SLC25A15: variants seen among roughly 807,000 people sequenced by gnomAD.
SLC25A15 encodes solute carrier family 25 member 15.
Under a neutral mutation model 32.3 loss-of-function variants are expected in SLC25A15, and 24 were observed. The observed-to-expected ratio is 0.74, with a 90% CI of 0.54 to 1.04. The LOEUF is 1.04. Among genes scored for constraint, SLC25A15 ranks in the 50% least tolerant of loss-of-function variants. SLC25A15 has a pLI of 0.00. For missense variants in SLC25A15, 317 were observed against 374.5 expected (o/e 0.85, Z 1.27); for synonymous variants, 132 against 142.1 (o/e 0.93, Z 0.51).
At position 40,789,617 on chromosome 13, in the gene SLC25A15, G is replaced by C. The variant is rs1438996334; in HGVS notation, c.-116G>C. ...GCCCCAGCCGGCGACCCGGAGCCGA[G>C]AGCGGGCGGCGGAGCCTGAGCTGGA... On this transcript the variant is annotated 5_prime_UTR_variant, in exon 1 of 7. Coordinates refer to ENST00000338625, the MANE Select transcript of SLC25A15 (RefSeq NM_014252.4). 1.3e-5 allele frequency: 2 copies of C among 151,012 alleles called. No individual in the cohort carries two copies. Among genetic ancestry groups the C allele is most frequent in the Middle Eastern group, 6.8e-3 (2 of 292 alleles). 9.4% of individuals were successfully genotyped at this position (151,012 alleles called of 1,614,324 possible). A position where few individuals can be genotyped will look rare whatever the true frequency, so the allele number is the denominator to read the frequency against.
chr13:40,789,696 C>G (rs1303171237), intron 1 of SLC25A15, 33 bp downstream of exon 1: 1 of 151,594 alleles, frequency 6.6e-6, no homozygotes, highest in Admixed American at 6.6e-5. Flanking sequence ...CCTGCAGCTG[C>G]GGGGAGCGCG....
chr13:40,804,702 C>G (rs559307211), intron 3 of SLC25A15, among the ~76,000 whole-genome samples: 1 of 146,790 alleles, frequency 6.8e-6, no homozygotes, highest in Non-Finnish European at 1.5e-5. Context: ...CCACTACGCC[C>G]GGCTAATTTT....
intron 2 of SLC25A15, among the ~76,000 whole-genome samples, chr13:40,794,678 A>G (rs568636284): frequency 4.6e-5 from 7 of 152,280 alleles, no homozygotes; most frequent in African/African-American, 1.4e-4. Flanking sequence ...GATTGCCCAA[A>G]GGAAAACCCT....
chr13:40,793,093 G>T (rs1259781635), intron 1 of SLC25A15, 65 bp from the exon 2 acceptor site: 4 of 861,074 alleles, frequency 4.6e-6, no homozygotes, highest in African/African-American at 1.7e-5. Context: ...CTGTAATTTG[G>T]CTGCAGGCCT....
intron 3 of SLC25A15, among the ~76,000 whole-genome samples, chr13:40,804,102 T>C (rs1169487000): frequency 6.6e-6 from 1 of 152,198 alleles, no homozygotes; most frequent in Non-Finnish European, 1.5e-5. Flanking sequence ...AAGTCTAATA[T>C]CAAGGTTCCA....
chr13:40,805,353 C>A, intron 4 of SLC25A15, 98 bp downstream of exon 4: 1 of 1,342,764 alleles, frequency 7.4e-7, no homozygotes, highest in Non-Finnish European at 1.0e-6. Context: ...ATGTGGAAGC[C>A]AATTTATCTA....
chr13:40,790,466 T>G (rs1593287248), intron 1 of SLC25A15, among the ~76,000 whole-genome samples: 1 of 152,240 alleles, frequency 6.6e-6, no homozygotes, highest in African/African-American at 2.4e-5. Context: ...AAGCCCTGTG[T>G]CTTCTCCAAG....
intron 6 of SLC25A15, among the ~76,000 whole-genome samples, chr13:40,809,264 C>T (rs1882340996): frequency 6.6e-6 from 1 of 152,234 alleles, no homozygotes; most frequent in African/African-American, 2.4e-5. Context: ...CTGGCCATCT[C>T]AGGCCTCAGC....
chr13:40,809,182 G>C (rs191625701), intron 6 of SLC25A15, among the ~76,000 whole-genome samples: 22 of 152,228 alleles, frequency 1.4e-4, no homozygotes, highest in Middle Eastern at 3.4e-3. Context: ...CAACTTCAAG[G>C]TTGGTGTTCC....
At chr13:40,806,923 G>A (rs1376636674) in intron 4 of SLC25A15, among the ~76,000 whole-genome samples, 1 of 152,178 alleles carries the variant, frequency 6.6e-6, no homozygotes, top group Non-Finnish European at 1.5e-5. Context: ...CTTGTTCTCA[G>A]AATTTGTCTT....
At chr13:40,793,051 A>T (rs1373145227) in intron 1 of SLC25A15, 107 bp from the exon 2 acceptor site, 2 of 687,450 alleles carry the variant, frequency 2.9e-6, no homozygotes, top group Admixed American at 4.1e-5. Flanking sequence ...AACAGTGTGG[A>T]CCCCAGGTCA....
rs138530613 is a variant in SLC25A15 at position 40,812,297 on chromosome 13, C to T, written c.*2630C>T. 1.3e-3 allele frequency among the ~76,000 whole-genome samples: 205 copies of T among 152,212 alleles called. 1 individual carries two copies. The highest frequency in any genetic ancestry group is 6.9e-4 in the Non-Finnish European group (47 of 68,024). ...GTCTGAGGCAAGTGGAAATGAGGAA[C>T]GGAAACTTAGGTTGGGAGAATATTT... On this transcript the variant is annotated 3_prime_UTR_variant, in exon 7 of 7. Transcript: ENST00000338625.
At position 40,810,262 on chromosome 13, in the gene SLC25A15, G is replaced by A. The variant is rs1304610299; in HGVS notation, c.*595G>A. On this transcript the variant is annotated 3_prime_UTR_variant, in exon 7 of 7. Coordinates refer to ENST00000338625, the MANE Select transcript of SLC25A15 (RefSeq NM_014252.4). ...CAACCTCCGCCTCCTGGGTTCAAGC[G>A]ATTCTCTCACCTCAGCCTCCTGAGT... 2.6e-5 allele frequency among the ~76,000 whole-genome samples: 4 copies of A among 152,294 alleles called. No individual in the cohort carries two copies. The highest frequency in any genetic ancestry group is 7.2e-5 in the African/African-American group (3 of 41,558).
Position 40,809,860 on chromosome 13 carries a change from T to C in SLC25A15, c.*193T>C, listed in dbSNP as rs1882373547. ...TGCATCATATCATTTCTGTCCATAA[T>C]TGTACTGAAATAGAAAAGTGACCGC... is the stretch of plus-strand genomic sequence containing the variant. On this transcript the variant is annotated 3_prime_UTR_variant, in exon 7 of 7. Transcript: ENST00000338625. 1.6e-6 allele frequency: 1 copy of C among 613,276 alleles called. No individual in the cohort carries two copies. Among genetic ancestry groups the C allele is most frequent in the Non-Finnish European group, 2.9e-6 (1 of 349,516 alleles). The allele number at this position is 613,276 out of a possible 1,614,324, so 38.0% of individuals were successfully genotyped here.
chr13:40,803,514 GATTCCAGT>G (rs1881984974), intron 3 of SLC25A15, among the ~76,000 whole-genome samples: 1 of 152,184 alleles, frequency 6.6e-6, no homozygotes, highest in African/African-American at 2.4e-5. Context: ...ACTCTTACTG[GATTCCAGT>G]TTCACAACCC....
intron 4 of SLC25A15, 29 bp from the exon 5 acceptor site, chr13:40,807,265 C>A (rs770194398): frequency 1.9e-6 from 3 of 1,611,460 alleles, no homozygotes; most frequent in Non-Finnish European, 2.5e-6. Flanking sequence ...CCTGCTGTAA[C>A]CGTGCTATCT....
chr13:40,802,911 A>G (rs1881955435), intron 3 of SLC25A15, among the ~76,000 whole-genome samples: 1 of 152,040 alleles, frequency 6.6e-6, no homozygotes, highest in Admixed American at 6.6e-5. Flanking sequence ...AAAAATTGTT[A>G]GGGGATTATA....
At chr13:40,809,396 A>C (rs934243847) in intron 6 of SLC25A15, 147 bp from the exon 7 acceptor site, 3 of 992,140 alleles carry the variant, frequency 3.0e-6, no homozygotes, top group Non-Finnish European at 4.8e-6. Context: ...TATTTAGGAA[A>C]AGCTGGGAAT....
rs776411120 is a variant in SLC25A15 at position 40,799,089 on chromosome 13, T to C, written c.88T>C (p.Phe30Leu). Residue 30 changes from phenylalanine (F) to leucine (L), a missense_variant, in exon 3 of 7, where the codon TTT becomes CTT. Physicochemically the swap from Phe to Leu is conservative, Grantham distance 22 (BLOSUM62 0). Coordinates refer to ENST00000338625, the MANE Select transcript of SLC25A15 (RefSeq NM_014252.4). ...AGCATGTGTACTGACCGGGCAGCCC[T>C]TTGACACAATGAAAGTGAAGATGCA... is the stretch of plus-strand genomic sequence containing the variant. ...GTACVLTGQP[F>L]DTMKVKMQTF... 5 of 1,614,168 alleles carry C rather than the reference T, an allele frequency of 3.1e-6. No individual in the cohort carries two copies. Among genetic ancestry groups the C allele is most frequent in the Non-Finnish European group, 4.2e-6 (5 of 1,180,032 alleles).
Sources: gnomAD v4.1 joint callset for allele counts (sites outside exome capture counted in the v4.1 genomes callset) on GRCh38, gnomAD v4.1.1 for gene constraint, MANE v1.5 for transcripts, NCBI Gene and HGNC (gene_info 2026-07-23, HGNC 2026-07-21) for gene names.